Variants in TNNT1 observed in about 807,000 individuals in gnomAD.
TNNT1 encodes troponin T1, slow skeletal type.
In TNNT1, 53 loss-of-function variants were observed where a neutral mutation model predicts 50.6. That is an observed-to-expected ratio of 1.05 (90% CI 0.84 to 1.32). TNNT1 has a LOEUF of 1.32. Among genes scored for constraint, TNNT1 ranks in the 40% most tolerant of loss-of-function variants. The probability of loss-of-function intolerance (pLI) is 0.00; values close to 1 mark genes in which losing one functional copy is unlikely to be tolerated. For synonymous variants in TNNT1, 142 were observed against 138.0 expected, an observed-to-expected ratio of 1.03 and a Z score of -0.20; for missense variants, 348 against 381.7, an observed-to-expected ratio of 0.91 and a Z score of 0.74.
rs78810486 is a variant in TNNT1, at chr19:55,133,898, G to A, written c.780C>T (p.His260=). 341 of 1,613,868 alleles carry A rather than the reference G, an allele frequency of 2.1e-4. 2 individuals carry two copies. In the African/African-American group the frequency reaches 3.7e-3, roughly 17 times the overall value. The change falls in exon 13 of 14, where the codon CAC becomes CAT. Residue 260 remains histidine, a synonymous_variant. Transcript: ENST00000588981. The part of the protein sequence containing the change: ...EINVLYNRIS[H]AQKFRKGAGK... Reference sequence around the variant, plus strand: ...ACGGTCACACTCACAACTTCTGGGCGTGGCTGATGCGGTTGTACAGCACGT... The same window carrying A: ...ACGGTCACACTCACAACTTCTGGGCATGGCTGATGCGGTTGTACAGCACGT...
At chr19:55,140,851 A>G in intron 9 of TNNT1, 32 bp downstream of exon 9, 1 of 1,594,978 alleles carries the variant, frequency 6.3e-7, no homozygotes, top group East Asian at 2.2e-5. Flanking sequence ...AAGAAGTAAC[A>G]TTTGGGCTCT....
chr19:55,137,234 C>T (rs769895920), intron 10 of TNNT1, 22 bp from the exon 11 acceptor site: 1 of 1,560,754 alleles, frequency 6.4e-7, no homozygotes, highest in Non-Finnish European at 8.8e-7. Context: ...GGAGGCGGAA[C>T]AGTAAACTGG....
At chr19:55,134,019 C>T (rs761165118) in intron 12 of TNNT1, 47 bp downstream of exon 12, 1 of 1,612,234 alleles carries the variant, frequency 6.2e-7, no homozygotes, top group Non-Finnish European at 8.5e-7. Context: ...TCCCTCCCAG[C>T]CCAGCCCTGC....
Position 55,145,568 on chromosome 19 carries a change from G to A in TNNT1, c.107-3C>T. 6.2e-7 allele frequency: 1 copy of A among 1,613,608 alleles called. No homozygotes were observed. Among genetic ancestry groups the A allele is most frequent in the Non-Finnish European group, 8.5e-7 (1 of 1,179,756 alleles). ...CCTTGGTTTGGGGCGTTCCTCTTCTGTTGGTGGTGGGGGATAAAAAGAGAT... is the reference window on the plus strand; with the variant it reads ...CCTTGGTTTGGGGCGTTCCTCTTCTATTGGTGGTGGGGGATAAAAAGAGAT... On this transcript the variant is annotated splice_region_variant and splice_polypyrimidine_tract_variant and intron_variant, in intron 5 of 13. Coordinates refer to ENST00000588981, the MANE Select transcript of TNNT1 (RefSeq NM_003283.6).
At chr19:55,149,077 C>T (rs941319855) in intron 1 of TNNT1, 84 bp downstream of exon 1, 5 of 451,368 alleles carry the variant, frequency 1.1e-5, no homozygotes, top group Middle Eastern at 3.3e-4. Flanking sequence ...TTTCTCCACA[C>T]CCGACATCTT....
intron 11 of TNNT1, chr19:55,135,409 C>CT: frequency 4.3e-6 from 1 of 231,622 alleles, no homozygotes; most frequent in Non-Finnish European, 8.8e-6. Flanking sequence ...TCTTTTCTTT[C>CT]TTTTCTTTTT....
intron 6 of TNNT1, among the ~76,000 whole-genome samples, chr19:55,144,486 C>A (rs146941939): frequency 3.3e-3 from 501 of 152,264 alleles, no homozygotes; most frequent in Non-Finnish European, 5.1e-3. Flanking sequence ...TTCGAACAAT[C>A]CTCCTTCCTC....
chr19:55,145,045 G>T (rs1353357669), intron 6 of TNNT1, among the ~76,000 whole-genome samples: 1 of 151,564 alleles, frequency 6.6e-6, no homozygotes, highest in Non-Finnish European at 1.5e-5. Flanking sequence ...TGTAATCCCA[G>T]CACTTTGGGA....
At chr19:55,135,388 C>T (rs990135690) in intron 11 of TNNT1, 4 of 234,206 alleles carry the variant, frequency 1.7e-5, no homozygotes, top group Admixed American at 5.6e-5. Flanking sequence ...TTCCTTCCTT[C>T]CTTCCTTCCT....
At chr19:55,135,809 C>T (rs71367153) in intron 11 of TNNT1, among the ~76,000 whole-genome samples, 1 of 152,122 alleles carries the variant, frequency 6.6e-6, no homozygotes, top group Non-Finnish European at 1.5e-5. Context: ...GTGTGAGCCG[C>T]CGCGCCCGCC....
chr19:55,146,635 GCCCCCCCA>G, intron 4 of TNNT1, 38 bp downstream of exon 4: 4 of 479,416 alleles, frequency 8.3e-6, no homozygotes, highest in Non-Finnish European at 1.0e-5. Context: ...CAGCGTCCCC[GCCCCCCCA>G]CCCCCCAGCT....
At chr19:55,140,669 G>T (rs537535196) in intron 9 of TNNT1, 2 of 230,492 alleles carry the variant, frequency 8.7e-6, no homozygotes, top group Non-Finnish European at 1.7e-5. Context: ...CCCAGCTACT[G>T]GGGAGGCTGA....
Position 55,137,125 on chromosome 19 carries a change from A to G in TNNT1, c.589T>C (p.Tyr197His). The G allele has an allele frequency of 6.3e-7, 1 of 1,588,224 alleles. No individual in the cohort carries two copies. The highest frequency in any genetic ancestry group is 8.6e-7 in the Non-Finnish European group (1 of 1,165,746). Residue 197 changes from tyrosine to histidine, a missense_variant, in exon 11 of 14, where the codon TAC becomes CAC. Tyr to His is a moderately conservative substitution (Grantham distance 83). Coordinates refer to ENST00000588981, the MANE Select transcript of TNNT1 (RefSeq NM_003283.6). ...SERKKPLDID[Y>H]MGEEQLRARS... is the part of the protein sequence containing the mutation. ...TACCGGAGCTGTTCCTCCCCCATGT[A>G]GTCAATGTCCAGAGGCTTCTTACGC...
chr19:55,140,804 T>A (rs2085436410), intron 9 of TNNT1, 79 bp downstream of exon 9: 1 of 892,628 alleles, frequency 1.1e-6, no homozygotes, highest in Admixed American at 3.2e-5. Context: ...GTAATAATAA[T>A]AATAATAATA....
At chr19:55,146,643 A>T in intron 4 of TNNT1, 38 bp downstream of exon 4, 1 of 492,438 alleles carries the variant, frequency 2.0e-6, no homozygotes, top group Non-Finnish European at 3.1e-6. Flanking sequence ...CCGCCCCCCC[A>T]CCCCCCAGCT....
At chr19:55,146,831 C>T (rs2147268244) in intron 3 of TNNT1, 124 bp from the exon 4 acceptor site, 4 of 1,171,158 alleles carry the variant, frequency 3.4e-6, no homozygotes, top group Non-Finnish European at 4.7e-6. Flanking sequence ...GCGATGGGCA[C>T]GTTCCCCCTG....
At chr19:55,140,085 T>A (rs1426402623) in intron 9 of TNNT1, among the ~76,000 whole-genome samples, 1 of 150,074 alleles carries the variant, frequency 6.7e-6, no homozygotes, top group East Asian at 2.0e-4. Flanking sequence ...ATCGCGTCAC[T>A]GCACTCCAGC....
intron 6 of TNNT1, 23 bp downstream of exon 6, chr19:55,145,521 C>A: frequency 6.2e-7 from 1 of 1,612,298 alleles, no homozygotes. Context: ...ATGACTGGGG[C>A]CCCCCACCCT....
rs2085270149 is a variant in TNNT1 at position 55,132,721 on chromosome 19, T to C, written c.*194A>G. On this transcript the variant is annotated 3_prime_UTR_variant, in exon 14 of 14. Transcript: ENST00000588981. ...TGTGAAGGTTCAGCCTGCCGTACTT[T>C]AATGATTATTGGTGACACTCTTTCA... 2 of 630,748 alleles carry C rather than the reference T, an allele frequency of 3.2e-6. No individual in the cohort carries two copies. The highest frequency in any genetic ancestry group is 1.9e-5 in the South Asian group (1 of 52,964). The allele number at this position is 630,748 out of a possible 1,614,324, so 39.1% of individuals were successfully genotyped here. A position where few individuals can be genotyped will look rare whatever the true frequency, so the allele number is the denominator to read the frequency against.
Sources: allele counts gnomAD v4.1 joint callset (sites outside exome capture counted in the v4.1 genomes callset), GRCh38; gene constraint gnomAD v4.1.1; transcripts MANE v1.5; gene names NCBI Gene and HGNC (gene_info 2026-07-23, HGNC 2026-07-21).